The following SARM1 variants were observed in gnomAD, a reference collection of about 807,000 sequenced individuals.
SARM1 encodes NAD(+) hydrolase SARM1.
SARM1 carries 60 observed loss-of-function variants against 65.1 expected under a neutral mutation model. The observed-to-expected ratio is 0.92, with a 90% CI of 0.75 to 1.14. SARM1 has a LOEUF of 1.14. Among genes scored for constraint, SARM1 ranks in the 50% most tolerant of loss-of-function variants. The pLI is 0.00. For missense variants in SARM1, 913 were observed against 1,015.7 expected (o/e 0.90, Z 1.37); for synonymous variants, 417 against 465.4 (o/e 0.90, Z 1.34).
chr17:28,375,967 A>G (rs1342099556), intron 1 of SARM1, among the ~76,000 whole-genome samples: 3 of 152,170 alleles, frequency 2.0e-5, no homozygotes, highest in Non-Finnish European at 4.4e-5. Flanking sequence ...CATGTTTGCA[A>G]TATATATACA....
rs1389585385 is a variant in SARM1 at position 28,403,393 on chromosome 17, T to G, written c.*7107T>G. The G allele has an allele frequency of 2.0e-5, 3 of 152,480 alleles. No homozygotes were observed. The highest frequency in any genetic ancestry group is 7.2e-5 in the African/African-American group (3 of 41,434). 9.4% of individuals were successfully genotyped at this position (152,480 alleles called of 1,614,324 possible). On this transcript the variant is annotated 3_prime_UTR_variant, in exon 9 of 9. Transcript: ENST00000585482. ...CCTGTTTTCTTCATAACCATTTCTC[T>G]CCCTGTGCGACTGCTGACTCCTCAG...
intron 1 of SARM1, among the ~76,000 whole-genome samples, chr17:28,378,760 C>G (rs1555584860): frequency 6.6e-6 from 1 of 152,096 alleles, no homozygotes; most frequent in Non-Finnish European, 1.5e-5. Context: ...TGGGCTCAAA[C>G]TATCATCCTG....
rs781799325 is a variant in SARM1 at position 28,399,716 on chromosome 17, G to A, written c.*3430G>A. ...GAGGATCAGCCTTTTCCAGCATCCT[G>A]TGAGAGACCAGAGAGAGAGTTTGGA... On this transcript the variant is annotated 3_prime_UTR_variant, in exon 9 of 9. Coordinates refer to ENST00000585482, the MANE Select transcript of SARM1 (RefSeq NM_015077.4). 4 of 1,613,936 alleles carry A rather than the reference G, an allele frequency of 2.5e-6. No homozygotes were observed. In the South Asian group the frequency reaches 3.3e-5, roughly 13 times the overall value.
Position 28,375,631 on chromosome 17 carries a change from A to G in SARM1, c.470+3129A>G, listed in dbSNP as rs117151755. On this transcript the variant is annotated intron_variant, in intron 1 of 8. Transcript: ENST00000585482. ...AAAAAAAAATCACGAAAGCCATTGC[A>G]CATAAATTCAAAAAAGTGGAAAAGC... 3.0e-4 allele frequency among the ~76,000 whole-genome samples: 46 copies of G among 151,688 alleles called. 1 individual carries two copies. The East Asian group carries it at 8.9e-3, about 29-fold the overall frequency.
Position 28,388,164 on chromosome 17 carries a change from C to A in SARM1, c.1631-10C>A, listed in dbSNP as rs1555586317. 6 of 1,539,558 alleles carry A rather than the reference C, an allele frequency of 3.9e-6. No homozygotes were observed. In the Admixed American group the frequency reaches 9.8e-5, roughly 25 times the overall value. ...GCCACCTTCACCATGCTGCCTATTG[C>A]CCACTTCAGAAATGCTACACTCCCC... On this transcript the variant is annotated splice_polypyrimidine_tract_variant and intron_variant, in intron 5 of 8. Transcript: ENST00000585482.
chr17:28,391,601 AAAG>A (rs1555586871), intron 7 of SARM1, among the ~76,000 whole-genome samples: 1 of 151,950 alleles, frequency 6.6e-6, no homozygotes, highest in African/African-American at 2.4e-5. Flanking sequence ...GAGAGAAAGA[AAAG>A]AGTGTCTGTG....
Position 28,398,142 on chromosome 17 carries a change from A to C in SARM1, c.*1856A>C, listed in dbSNP as rs1352715543. The C allele has an allele frequency of 1.3e-5, 2 of 152,294 alleles. No individual in the cohort carries two copies. The highest frequency in any genetic ancestry group is 4.8e-5 in the African/African-American group (2 of 41,414). The allele number at this position is 152,294 out of a possible 1,614,324, so 9.4% of individuals were successfully genotyped here. ...GCCCTCACAGGACAGCGCCAATAAC[A>C]ATACAGTGTCTGAGTATCTCCAGGG... is the stretch of plus-strand genomic sequence containing the variant. On this transcript the variant is annotated 3_prime_UTR_variant, in exon 9 of 9. Transcript: ENST00000585482.
In SARM1 at chr17:28,384,525, T is replaced by G. The variant is rs782670194; in HGVS notation, c.1258T>G (p.Trp420Gly). 3 of 1,612,948 alleles carry G rather than the reference T, an allele frequency of 1.9e-6. No homozygotes were observed. Among genetic ancestry groups the G allele is most frequent in the Non-Finnish European group, 2.5e-6 (3 of 1,179,556 alleles). The change falls in exon 3 of 9, where the codon TGG becomes GGG. Residue 420 changes from tryptophan (W) to glycine (G), a missense_variant. Transcript: ENST00000585482. This position sits in a 1 kb window ranked among gnomAD's most constrained non-coding sequence, Gnocchi z 4.4. ...CTGGAAGGAGGCCGAGGTTCAGACGTGGCTGCAGCAGATCGGTTTCTCCAA... is the reference window on the plus strand; with the variant it reads ...CTGGAAGGAGGCCGAGGTTCAGACGGGGCTGCAGCAGATCGGTTTCTCCAA... ...PSWKEAEVQT[W>G]LQQIGFSKYC... is the part of the protein sequence containing the mutation.
rs71373647 is a variant in SARM1 at position 28,381,285 on chromosome 17, G to A, written c.553G>A (p.Ala185Thr). The change falls in exon 2 of 9, where the codon GCA becomes ACA. Residue 185 changes from alanine (A) to threonine (T), a missense_variant. This residue lies in a region of SARM1 where 862 missense variants were observed against 952.1 expected (regional missense o/e 0.91). Coordinates refer to ENST00000585482, the MANE Select transcript of SARM1 (RefSeq NM_015077.4). ...REPVELARSV[A>T]GILEHMFKHS... Reference sequence around the variant, plus strand: ...ACCCGTAGAGCTGGCGCGGAGCGTGGCAGGCATCTTGGAGCACATGTTCAA... The same window carrying A: ...ACCCGTAGAGCTGGCGCGGAGCGTGACAGGCATCTTGGAGCACATGTTCAA... 11 of 1,607,060 alleles carry A rather than the reference G, an allele frequency of 6.8e-6. No individual in the cohort carries two copies. In the African/African-American group the frequency reaches 1.1e-4, roughly 16 times the overall value.
Position 28,384,417 on chromosome 17 carries a change from G to A in SARM1, c.1150G>A (p.Gly384Ser), listed in dbSNP as rs782213378. 12 of 1,612,830 alleles carry A rather than the reference G, an allele frequency of 7.4e-6. No homozygotes were observed. The highest frequency in any genetic ancestry group is 1.0e-5 in the Non-Finnish European group (12 of 1,179,334). ...ACGCCTGGTTTCCTACTCTACCAAT[G>A]GCACTAAGTCGGCGCTGGCCAAGCG... is the stretch of plus-strand genomic sequence containing the variant. ...LKRLVSYSTN[G>S]TKSALAKRAL... The change falls in exon 3 of 9, where the codon GGC (glycine) becomes AGC (serine). Residue 384 changes from glycine to serine, a missense_variant. Coordinates refer to ENST00000585482, the MANE Select transcript of SARM1 (RefSeq NM_015077.4). The surrounding 1 kb of genome is among the most constrained non-coding windows in gnomAD (Gnocchi z 4.4).
chr17:28,396,404 G>C lies in SARM1; in HGVS notation c.*118G>C, dbSNP rs1429254123. 2.5e-6 allele frequency: 3 copies of C among 1,223,620 alleles called. No homozygotes were observed. Among genetic ancestry groups the C allele is most frequent in the Non-Finnish European group, 3.5e-6 (3 of 861,006 alleles). 75.8% of individuals were successfully genotyped at this position (1,223,620 alleles called of 1,614,324 possible). On this transcript the variant is annotated 3_prime_UTR_variant, in exon 9 of 9. Coordinates refer to ENST00000585482, the MANE Select transcript of SARM1 (RefSeq NM_015077.4). ...CAACCTGGGCTCTTCTTAGGAAATG[G>C]CTCTCCCTCCCCCTGTCCCCCACCC...
Position 28,381,755 on chromosome 17 carries a change from G to T in SARM1, c.1023G>T (p.Ala341=). The T allele has an allele frequency of 6.7e-7, 1 of 1,498,276 alleles. No homozygotes were observed. The allele number at this position is 1,498,276 out of a possible 1,614,324, so 92.8% of individuals were successfully genotyped here. The change falls in exon 2 of 9, where the codon GCG becomes GCT. Residue 341 remains alanine, a synonymous_variant. Coordinates refer to ENST00000585482, the MANE Select transcript of SARM1 (RefSeq NM_015077.4). ...TGCTCGACTCTAACCGCTTGGAGGCGCAGTGCATCGGGGCTTTCTACCTCT... is the reference window on the plus strand; with the variant it reads ...TGCTCGACTCTAACCGCTTGGAGGCTCAGTGCATCGGGGCTTTCTACCTCT... ...VPLLDSNRLE[A]QCIGAFYLCA... is the part of the protein sequence containing the mutation.
rs1555589393 is a variant in SARM1, at chr17:28,400,688, G to A, written c.*4402G>A. 19 of 1,612,474 alleles carry A rather than the reference G, an allele frequency of 1.2e-5. No homozygotes were observed. The highest frequency in any genetic ancestry group is 1.6e-5 in the Non-Finnish European group (19 of 1,179,438). ...CCCCTTCATAAAGTTCAGAGTGGCT[G>A]GGTAGAGTGAGTTGAAGATGCCGGA... On this transcript the variant is annotated 3_prime_UTR_variant, in exon 9 of 9. Coordinates refer to ENST00000585482, the MANE Select transcript of SARM1 (RefSeq NM_015077.4).
At chr17:28,380,692 A>G (rs58936511) in intron 1 of SARM1, among the ~76,000 whole-genome samples, 130 of 152,056 alleles carry the variant, frequency 8.5e-4, no homozygotes, top group African/African-American at 2.9e-3. Context: ...TTCAAGTGAC[A>G]CTTCAAATTA....
In SARM1 at chr17:28,402,843, CT is replaced by C. The variant is rs2068213062; in HGVS notation, c.*6558del. 6.5e-6 allele frequency: 1 copy of C among 152,906 alleles called. No individual in the cohort carries two copies. The highest frequency in any genetic ancestry group is 1.5e-5 in the Non-Finnish European group (1 of 68,472). The allele number at this position is 152,906 out of a possible 1,614,324, so 9.5% of individuals were successfully genotyped here. A position where few individuals can be genotyped will look rare whatever the true frequency, so the allele number is the denominator to read the frequency against. On this transcript the variant is annotated 3_prime_UTR_variant, in exon 9 of 9. Coordinates refer to ENST00000585482, the MANE Select transcript of SARM1 (RefSeq NM_015077.4). ...TTCATAGCCCTGGAACCTGTAAATA[CT>C]ACCTTATTTGGAAAATGAGTCTATG...
rs367878633 is a variant in SARM1 at position 28,396,289 on chromosome 17, A to C, written c.*3A>C. ...CTGCACCCATGGGTCCAACCTAACC[A>C]GTCCCCAGTTCCCCAGCCCTGCTGT... On this transcript the variant is annotated 3_prime_UTR_variant, in exon 9 of 9. Transcript: ENST00000585482. 1 of 1,613,784 alleles carries C rather than the reference A, an allele frequency of 6.2e-7. No individual in the cohort carries two copies. The highest frequency in any genetic ancestry group is 8.5e-7 in the Non-Finnish European group (1 of 1,179,794).
intron 1 of SARM1, chr17:28,374,273 A>C (rs1310048678): frequency 3.8e-5 from 4 of 106,436 alleles, no homozygotes; most frequent in Non-Finnish European, 7.4e-5. Flanking sequence ...ACAGAGCAAG[A>C]CTCGTCTCAA....
At chr17:28,380,743 C>G (rs1257381525) in intron 1 of SARM1, among the ~76,000 whole-genome samples, 7 of 152,244 alleles carry the variant, frequency 4.6e-5, no homozygotes, top group Non-Finnish European at 2.9e-5. Flanking sequence ...ATGTGCCAGG[C>G]ATTGTGCCAA....
chr17:28,400,556 A>G lies in SARM1; in HGVS notation c.*4270A>G. On this transcript the variant is annotated 3_prime_UTR_variant, in exon 9 of 9. Coordinates refer to ENST00000585482, the MANE Select transcript of SARM1 (RefSeq NM_015077.4). ...ATTTCTGGTTGGGAGGAGAAGAGGAAACTTTTAAGAGAAAGGGCTCCATTA... is the reference window on the plus strand; with the variant it reads ...ATTTCTGGTTGGGAGGAGAAGAGGAGACTTTTAAGAGAAAGGGCTCCATTA... 6.3e-7 allele frequency: 1 copy of G among 1,599,520 alleles called. No homozygotes were observed. The highest frequency in any genetic ancestry group is 8.5e-7 in the Non-Finnish European group (1 of 1,171,630).
Sources: gnomAD v4.1 joint callset for allele counts (sites outside exome capture counted in the v4.1 genomes callset) on GRCh38, gnomAD v4.1.1 for gene constraint, gnomAD v4.1.1 regional missense constraint, Gnocchi (gnomAD v3.1) non-coding constraint, MANE v1.5 for transcripts, NCBI Gene and HGNC (gene_info 2026-07-23, HGNC 2026-07-21) for gene names.